PAPPA2: variants seen among roughly 807,000 people sequenced by gnomAD.
PAPPA2 encodes pappalysin 2.
Under a neutral mutation model 176.4 loss-of-function variants are expected in PAPPA2, and 86 were observed. The observed-to-expected ratio is 0.49, with a 90% confidence interval of 0.41 to 0.58. PAPPA2 has a LOEUF of 0.58. PAPPA2 is among the 20% of genes least tolerant of loss of function. The pLI is 0.00. For synonymous variants in PAPPA2, 809 were observed against 852.2 expected (o/e 0.95, Z 0.88); for missense variants, 2,073 against 2,256.9 (o/e 0.92, Z 1.65).
chr1:176,605,191 C>A (rs1654540292), intron 3 of PAPPA2, among the ~76,000 whole-genome samples: 1 of 152,132 alleles, frequency 6.6e-6, no homozygotes, highest in Non-Finnish European at 1.5e-5. Context: ...CATGAATCCC[C>A]TTTACCTAGC....
At chr1:176,828,462 A>G (rs1270439802) in intron 21 of PAPPA2, among the ~76,000 whole-genome samples, 2 of 151,548 alleles carry the variant, frequency 1.3e-5, no homozygotes, top group Non-Finnish European at 2.9e-5. Flanking sequence ...AAATAAAAAT[A>G]TACTTTATGT....
At chr1:176,749,235 T>A (rs1415371648) in intron 14 of PAPPA2, among the ~76,000 whole-genome samples, 1 of 152,226 alleles carries the variant, frequency 6.6e-6, no homozygotes, top group Non-Finnish European at 1.5e-5. Context: ...TTTAAATGTT[T>A]AAGTGGTTGT....
chr1:176,662,835 G>T (rs897458529), intron 3 of PAPPA2, among the ~76,000 whole-genome samples: 1 of 152,196 alleles, frequency 6.6e-6, no homozygotes, highest in Middle Eastern at 3.4e-3. Context: ...ATTTAGTAAA[G>T]CTTGAAATTT....
Position 176,740,694 on chromosome 1 carries a change from G to T in PAPPA2, c.4151+498G>T, listed in dbSNP as rs555334501. Among the ~76,000 whole-genome samples, 6 of 152,264 alleles carry T rather than the reference G, an allele frequency of 3.9e-5. No homozygotes were observed. In the South Asian group the frequency reaches 1.2e-3, roughly 32 times the overall value. On this transcript the variant is annotated intron_variant, in intron 14 of 22. Transcript: ENST00000367662. ...TGTCTTTCTGTGGATGTCTGTGATT[G>T]TCATCCTCTAGACAGATGTGGCTAT...
chr1:176,758,865 A>C (rs1274415467), intron 14 of PAPPA2, among the ~76,000 whole-genome samples: 1 of 151,976 alleles, frequency 6.6e-6, no homozygotes, highest in Non-Finnish European at 1.5e-5. Flanking sequence ...TACCACCATC[A>C]CCTCATCTGT....
chr1:176,789,790 T>G lies in PAPPA2; in HGVS notation c.4716-19T>G. ...CTTGAAAGATTCTGATGAGCTATTT[T>G]TGTTTTATGTTTTATCAGCAAGCTC... is the stretch of plus-strand genomic sequence containing the variant. On this transcript the variant is annotated intron_variant, in intron 17 of 22. Coordinates refer to ENST00000367662, the MANE Select transcript of PAPPA2 (RefSeq NM_020318.3). 6.2e-7 allele frequency: 1 copy of G among 1,602,958 alleles called. No homozygotes were observed. Among genetic ancestry groups the G allele is most frequent in the South Asian group, 1.1e-5 (1 of 89,776 alleles).
At chr1:176,758,152 G>T (rs1461526397) in intron 14 of PAPPA2, among the ~76,000 whole-genome samples, 1 of 152,202 alleles carries the variant, frequency 6.6e-6, no homozygotes, top group Non-Finnish European at 1.5e-5. Context: ...AATTACTGCT[G>T]AGATTCTTCT....
At chr1:176,476,526 CA>C (rs1414249782) in intron 1 of PAPPA2, among the ~76,000 whole-genome samples, 1 of 152,132 alleles carries the variant, frequency 6.6e-6, no homozygotes, top group African/African-American at 2.4e-5. Context: ...CTGAGTGGGC[CA>C]GGTCAGTAGC....
chr1:176,713,845 GCAACT>G (rs1661250520), intron 12 of PAPPA2, among the ~76,000 whole-genome samples: 1 of 152,128 alleles, frequency 6.6e-6, no homozygotes, highest in Non-Finnish European at 1.5e-5. Flanking sequence ...CAAGATTATA[GCAACT>G]CAACACACAT....
intron 1 of PAPPA2, among the ~76,000 whole-genome samples, chr1:176,480,138 C>T (rs986402361): frequency 1.3e-5 from 2 of 152,060 alleles, no homozygotes. Flanking sequence ...TGGAGAGCAG[C>T]CTCCTCCCCA....
At chr1:176,648,979 A>G (rs946452907) in intron 3 of PAPPA2, among the ~76,000 whole-genome samples, 5 of 151,380 alleles carry the variant, frequency 3.3e-5, no homozygotes, top group East Asian at 1.9e-4. Context: ...CTCCTCTTCA[A>G]TTTTTTTGAA....
intron 12 of PAPPA2, among the ~76,000 whole-genome samples, chr1:176,727,309 G>GT (rs1276472355): frequency 6.6e-6 from 1 of 151,986 alleles, no homozygotes; most frequent in Non-Finnish European, 1.5e-5. Flanking sequence ...TTACAAAACT[G>GT]TTTATGAAAA....
At chr1:176,660,179 A>G (rs1283911203) in intron 3 of PAPPA2, among the ~76,000 whole-genome samples, 1 of 152,090 alleles carries the variant, frequency 6.6e-6, no homozygotes, top group Non-Finnish European at 1.5e-5. Flanking sequence ...ATGGCAGTAC[A>G]TAGTGTTTGT....
In PAPPA2 at chr1:176,623,801, T is replaced by TTCTTTCTTTCTTTCTTTC. The variant is rs1553376035; in HGVS notation, c.1991+28214_1991+28215insTCTTTCTTTCTCTTTCTT. Among the ~76,000 whole-genome samples the TTCTTTCTTTCTTTCTTTC allele has an allele frequency of 9.3e-4, 113 of 121,376 alleles. 2 individuals carry two copies. Among genetic ancestry groups the TTCTTTCTTTCTTTCTTTC allele is most frequent in the African/African-American group, 3.3e-3 (108 of 32,288 alleles). The allele number at this position is 121,376 out of a possible 152,430, so 79.6% of individuals were successfully genotyped here. On this transcript the variant is annotated intron_variant, in intron 3 of 22. Coordinates refer to ENST00000367662, the MANE Select transcript of PAPPA2 (RefSeq NM_020318.3). ...TTTCTTTCTTTCTTTCTTTCTTTCT[T>TTCTTTCTTTCTTTCTTTC]TCTTTCTTCTTTCTTTCTTCTCTCT... is the stretch of plus-strand genomic sequence containing the variant.
chr1:176,549,156 A>T (rs1056873520), intron 1 of PAPPA2, among the ~76,000 whole-genome samples: 3 of 152,238 alleles, frequency 2.0e-5, no homozygotes, highest in African/African-American at 7.2e-5. Flanking sequence ...GTTGCAAAAT[A>T]TGTGATAATG....
chr1:176,506,744 C>A (rs929617258), intron 1 of PAPPA2, among the ~76,000 whole-genome samples: 3 of 152,026 alleles, frequency 2.0e-5, no homozygotes, highest in African/African-American at 7.2e-5. Context: ...GGGCTAGCAG[C>A]CTTTTTGTGT....
chr1:176,505,312 T>G (rs1648195094), intron 1 of PAPPA2, among the ~76,000 whole-genome samples: 1 of 152,010 alleles, frequency 6.6e-6, no homozygotes, highest in Non-Finnish European at 1.5e-5. Flanking sequence ...ACATTTGGGG[T>G]CAATGTCTTC....
intron 12 of PAPPA2, among the ~76,000 whole-genome samples, chr1:176,717,919 T>C (rs1199834312): frequency 6.6e-6 from 1 of 152,222 alleles, no homozygotes; most frequent in Non-Finnish European, 1.5e-5. Flanking sequence ...TTTCTTTATT[T>C]TACTGTCTTG....
At position 176,844,771 on chromosome 1, in the gene PAPPA2, G is replaced by A. The variant is rs1334853142; in HGVS notation, c.*2317G>A. ...AGAATCCTACTTTGTCTGAGATTGA[G>A]GCAGAGGAATTGTTATCCTGGGCAT... On this transcript the variant is annotated 3_prime_UTR_variant, in exon 23 of 23. Transcript: ENST00000367662. 2.0e-5 allele frequency: 3 copies of A among 152,130 alleles called. No individual in the cohort carries two copies. Among genetic ancestry groups the A allele is most frequent in the African/African-American group, 4.8e-5 (2 of 41,420 alleles). The allele number at this position is 152,130 out of a possible 1,614,324, so 9.4% of individuals were successfully genotyped here.
Sources: gnomAD v4.1 joint callset for allele counts (sites outside exome capture counted in the v4.1 genomes callset) on GRCh38, gnomAD v4.1.1 for gene constraint, MANE v1.5 for transcripts, NCBI Gene and HGNC (gene_info 2026-07-23, HGNC 2026-07-21) for gene names.